Variants in ARHGEF10 observed in about 807,000 individuals in gnomAD.
The protein encoded by ARHGEF10 is Rho guanine nucleotide exchange factor (GEF) 10.
A neutral mutation model predicts 147.4 loss-of-function variants in ARHGEF10; 140 were observed. The observed-to-expected ratio is 0.95, with a 90% CI of 0.83 to 1.09. ARHGEF10 has a LOEUF of 1.09. ARHGEF10 is among the 50% of genes least tolerant of loss of function. ARHGEF10 has a pLI of 0.00. For synonymous variants in ARHGEF10, 902 were observed against 695.8 expected, an observed-to-expected ratio of 1.30 and a Z score of -4.67; for missense variants, 2,222 against 1,752.7, an observed-to-expected ratio of 1.27 and a Z score of -4.78.
At chr8:1,933,659 A>T in intron 25 of ARHGEF10, 141 bp from the exon 26 acceptor site, 1 of 1,134,648 alleles carries the variant, frequency 8.8e-7, no homozygotes, top group South Asian at 1.4e-5. Context: ...CGATCCCCAG[A>T]CACAGCCAGG....
chr8:1,917,376 G>A (rs1811836869), intron 18 of ARHGEF10, among the ~76,000 whole-genome samples: 1 of 152,304 alleles, frequency 6.6e-6, no homozygotes, highest in African/African-American at 2.4e-5. Flanking sequence ...TGACGTCTCG[G>A]TCTCACATCG....
At chr8:1,896,778 A>C (rs780812400) in intron 14 of ARHGEF10, among the ~76,000 whole-genome samples, 1 of 152,212 alleles carries the variant, frequency 6.6e-6, no homozygotes, top group Non-Finnish European at 1.5e-5. Flanking sequence ...AATAAACTAA[A>C]CATCTCAATT....
chr8:1,934,183 C>G (rs1169024779), intron 26 of ARHGEF10, among the ~76,000 whole-genome samples: 1 of 152,100 alleles, frequency 6.6e-6, no homozygotes, highest in Admixed American at 6.5e-5. Context: ...AAAAAATTAG[C>G]TGGGTAGGGC....
chr8:1,879,690 T>C (rs1808013695), intron 8 of ARHGEF10, among the ~76,000 whole-genome samples: 1 of 151,936 alleles, frequency 6.6e-6, no homozygotes, highest in Non-Finnish European at 1.5e-5. Context: ...GTAGCTAGGA[T>C]CACAGGCGCG....
intron 16 of ARHGEF10, among the ~76,000 whole-genome samples, chr8:1,905,330 C>G (rs1563263748): frequency 6.6e-6 from 1 of 152,118 alleles, no homozygotes; most frequent in Non-Finnish European, 1.5e-5. Context: ...CAAAACAATT[C>G]CTTGCATTCC....
At chr8:1,853,315 CT>C (rs1289730332) in intron 2 of ARHGEF10, among the ~76,000 whole-genome samples, 3 of 152,228 alleles carry the variant, frequency 2.0e-5, no homozygotes, top group Admixed American at 6.5e-5. Context: ...CGCCCACCTC[CT>C]GGGCTCCACA....
At chr8:1,956,198 C>T (rs907767740) in intron 28 of ARHGEF10, among the ~76,000 whole-genome samples, 1 of 152,174 alleles carries the variant, frequency 6.6e-6, no homozygotes, top group African/African-American at 2.4e-5. Context: ...GTTTCTGATA[C>T]GATCGTGACT....
At chr8:1,830,684 C>A (rs531311707) in intron 1 of ARHGEF10, among the ~76,000 whole-genome samples, 2 of 152,238 alleles carry the variant, frequency 1.3e-5, no homozygotes, top group South Asian at 2.1e-4. Context: ...GGGCTGGCAC[C>A]CTTGTCTTCA....
chr8:1,949,160 T>A (rs749680604), intron 27 of ARHGEF10, among the ~76,000 whole-genome samples: 25 of 152,200 alleles, frequency 1.6e-4, no homozygotes, highest in Non-Finnish European at 2.6e-4. Context: ...CAAACTGTAT[T>A]ATAACTCATG....
In ARHGEF10 at chr8:1,957,240, C is replaced by T. The variant is rs1294044141; in HGVS notation, c.4012C>T (p.Gln1338Ter). Reference protein sequence around the residue: ...EELAPTVMVWQIPLLNI With the variant: ...EELAPTVMVW Reference sequence around the variant, plus strand: ...GCTGGCGCCGACCGTCATGGTCTGGCAGATCCCTCTGCTGAATATATAAGC... The same window carrying T: ...GCTGGCGCCGACCGTCATGGTCTGGTAGATCCCTCTGCTGAATATATAAGC... Residue 1338 changes from glutamine (Q) to a stop codon, truncating the protein, a stop_gained, in exon 29 of 29, where the codon CAG becomes TAG. Coordinates refer to ENST00000349830, the MANE Select transcript of ARHGEF10 (RefSeq NM_014629.4). LOFTEE classifies it high-confidence loss of function. 1 of 1,611,240 alleles carries T rather than the reference C, an allele frequency of 6.2e-7. No individual in the cohort carries two copies.
intron 2 of ARHGEF10, among the ~76,000 whole-genome samples, chr8:1,853,687 C>T (rs1805324341): frequency 6.6e-6 from 1 of 152,232 alleles, no homozygotes; most frequent in Admixed American, 6.5e-5. Flanking sequence ...CTTGGCCGAG[C>T]TTGCGGGGGA....
intron 6 of ARHGEF10, among the ~76,000 whole-genome samples, chr8:1,868,819 C>G (rs574045706): frequency 6.6e-6 from 1 of 152,228 alleles, no homozygotes; most frequent in East Asian, 1.9e-4. Flanking sequence ...GCTTAAAATA[C>G]TCGTCAGAGA....
At chr8:1,926,572 C>T (rs1378668292) in intron 23 of ARHGEF10, 109 bp downstream of exon 23, 4 of 992,982 alleles carry the variant, frequency 4.0e-6, no homozygotes, top group Non-Finnish European at 6.4e-6. Flanking sequence ...TTGGCGGTGG[C>T]GTATCCCAGA....
chr8:1,931,771 C>T (rs1813167306), intron 25 of ARHGEF10, among the ~76,000 whole-genome samples: 1 of 143,392 alleles, frequency 7.0e-6, no homozygotes, highest in Non-Finnish European at 1.5e-5. Context: ...TTCAAAACGT[C>T]ATTAGCGTGT....
intron 1 of ARHGEF10, among the ~76,000 whole-genome samples, chr8:1,836,147 T>C (rs111650964): frequency 7.3e-5 from 11 of 150,364 alleles, no homozygotes; most frequent in East Asian, 2.0e-4. Flanking sequence ...TGCTACTGCA[T>C]TCCAGCCTGG....
At chr8:1,928,151 G>T (rs1299841771) in intron 23 of ARHGEF10, among the ~76,000 whole-genome samples, 1 of 152,126 alleles carries the variant, frequency 6.6e-6, no homozygotes, top group Non-Finnish European at 1.5e-5. Context: ...CCTTCATATT[G>T]TGATGAGTAC....
At chr8:1,853,909 A>C (rs1585272670) in intron 2 of ARHGEF10, among the ~76,000 whole-genome samples, 1 of 152,190 alleles carries the variant, frequency 6.6e-6, no homozygotes, top group Admixed American at 6.5e-5. Flanking sequence ...GGGTTAGCCG[A>C]GCCTGCTCTA....
chr8:1,827,626 C>T (rs984844752), intron 1 of ARHGEF10, among the ~76,000 whole-genome samples: 2 of 152,210 alleles, frequency 1.3e-5, no homozygotes, highest in African/African-American at 4.8e-5. Flanking sequence ...CATTTTAAAT[C>T]GTGGATTTTT....
intron 16 of ARHGEF10, 123 bp from the exon 17 acceptor site, chr8:1,905,448 C>A: frequency 8.1e-7 from 1 of 1,236,124 alleles, no homozygotes; most frequent in Non-Finnish European, 1.2e-6. Flanking sequence ...AACATAGGAA[C>A]GATTTCCGTA....
Sources: allele counts gnomAD v4.1 joint callset (sites outside exome capture counted in the v4.1 genomes callset), GRCh38; gene constraint gnomAD v4.1.1; transcripts MANE v1.5; gene names NCBI Gene and HGNC (gene_info 2026-07-23, HGNC 2026-07-21).